SLC35F1: variants seen among roughly 807,000 people sequenced by gnomAD.
SLC35F1 encodes the protein chromosome 6 open reading frame 169.
Under a neutral mutation model 48.7 loss-of-function variants are expected in SLC35F1, and 14 were observed. That is an observed-to-expected ratio of 0.29 (90% CI 0.19 to 0.45). The LOEUF (loss-of-function observed/expected upper bound fraction) is 0.45, where lower values mean the gene tolerates loss of function less well. Among genes scored for constraint, SLC35F1 ranks in the 20% least tolerant of loss-of-function variants. The pLI, the probability that SLC35F1 is intolerant of heterozygous loss-of-function variation, is 1.00. For missense variants in SLC35F1, 404 were observed against 500.0 expected, an observed-to-expected ratio of 0.81 and a Z score of 1.83; for synonymous variants, 190 against 202.2, an observed-to-expected ratio of 0.94 and a Z score of 0.51.
chr6:118,202,827 T>C (rs1774888383), intron 2 of SLC35F1, among the ~76,000 whole-genome samples: 1 of 152,234 alleles, frequency 6.6e-6, no homozygotes, highest in Non-Finnish European at 1.5e-5. Context: ...TTAAGCTCTG[T>C]CATCAGGGAA....
intron 1 of SLC35F1, among the ~76,000 whole-genome samples, chr6:117,981,933 G>T (rs1028296422): frequency 2.0e-5 from 3 of 151,854 alleles, no homozygotes. Flanking sequence ...AGACTCCATG[G>T]TGCCTCTGCT....
intron 2 of SLC35F1, among the ~76,000 whole-genome samples, chr6:118,178,198 T>G (rs2114505932): frequency 6.6e-6 from 1 of 152,048 alleles, no homozygotes; most frequent in South Asian, 2.1e-4. Context: ...ATCTAGATTT[T>G]TTACCATCCC....
chr6:118,000,703 T>C (rs974225921), intron 1 of SLC35F1, among the ~76,000 whole-genome samples: 3 of 152,198 alleles, frequency 2.0e-5, no homozygotes, highest in African/African-American at 7.2e-5. Context: ...GAAAACCCCA[T>C]TGTCTCAGCT....
At chr6:118,041,450 C>A (rs1276176362) in intron 1 of SLC35F1, among the ~76,000 whole-genome samples, 1 of 152,038 alleles carries the variant, frequency 6.6e-6, no homozygotes, top group Non-Finnish European at 1.5e-5. Context: ...TTCTGTCATT[C>A]AAATAATACT....
At chr6:118,162,560 A>T (rs1348950122) in intron 2 of SLC35F1, among the ~76,000 whole-genome samples, 1 of 151,978 alleles carries the variant, frequency 6.6e-6, no homozygotes, top group Non-Finnish European at 1.5e-5. Context: ...TGAAGTGGGG[A>T]AAAAAAAGAA....
In SLC35F1 at chr6:118,052,087, T is replaced by C. The variant is rs149762494; in HGVS notation, c.174-102358T>C. Among the ~76,000 whole-genome samples the C allele has an allele frequency of 1.4e-4, 22 of 152,176 alleles. No individual in the cohort carries two copies. In the East Asian group the frequency reaches 4.1e-3, roughly 28 times the overall value. On this transcript the variant is annotated intron_variant, in intron 1 of 7. Coordinates refer to ENST00000360388, the MANE Select transcript of SLC35F1 (RefSeq NM_001029858.4). Reference sequence around the variant, plus strand: ...TCCAGGTGGTAAATGCTGGCTCTTCTCATCTCACCCTTCTCCTTGGGCTGT... The same window carrying C: ...TCCAGGTGGTAAATGCTGGCTCTTCCCATCTCACCCTTCTCCTTGGGCTGT...
chr6:118,285,960 G>C (rs894416421), intron 7 of SLC35F1, among the ~76,000 whole-genome samples: 1 of 152,106 alleles, frequency 6.6e-6, no homozygotes, highest in African/African-American at 2.4e-5. Context: ...AACTCTACCC[G>C]CATCTTTGCC....
chr6:118,017,181 G>A lies in SLC35F1; in HGVS notation c.173+109282G>A, dbSNP rs961646709. ...GTGTTCTGAATGTTGCCTCACTTAG[G>A]CCTGGATTACATCCAGTGGCTACAT... On this transcript the variant is annotated intron_variant, in intron 1 of 7. Transcript: ENST00000360388. Among the ~76,000 whole-genome samples, 7 of 152,274 alleles carry A rather than the reference G, an allele frequency of 4.6e-5. 1 individual carries two copies. The South Asian group carries it at 1.4e-3, about 32-fold the overall frequency.
At chr6:118,020,227 A>T (rs1336318847) in intron 1 of SLC35F1, among the ~76,000 whole-genome samples, 2 of 152,210 alleles carry the variant, frequency 1.3e-5, no homozygotes, top group Non-Finnish European at 2.9e-5. Flanking sequence ...ATGAAAACAG[A>T]CATGATATTC....
chr6:118,009,593 T>C (rs1378377288), intron 1 of SLC35F1, among the ~76,000 whole-genome samples: 3 of 152,180 alleles, frequency 2.0e-5, no homozygotes, highest in Non-Finnish European at 4.4e-5. Context: ...GTCACAGAGC[T>C]AATTAGAGGC....
At chr6:118,267,990 A>G (rs575508731) in intron 4 of SLC35F1, among the ~76,000 whole-genome samples, 3 of 152,294 alleles carry the variant, frequency 2.0e-5, no homozygotes, top group East Asian at 3.9e-4. Context: ...ACTTTTCTAT[A>G]GTTCTTGGAA....
At chr6:117,954,286 G>C (rs1185107044) in intron 1 of SLC35F1, among the ~76,000 whole-genome samples, 2 of 151,636 alleles carry the variant, frequency 1.3e-5, no homozygotes, top group African/African-American at 2.4e-5. Flanking sequence ...ACGGAGTTTC[G>C]CTCTTGTTGC....
chr6:118,165,453 A>G (rs879517947), intron 2 of SLC35F1, among the ~76,000 whole-genome samples: 5 of 152,348 alleles, frequency 3.3e-5, no homozygotes, highest in Middle Eastern at 3.4e-3. Flanking sequence ...TCATGTCTGG[A>G]GTAAAACACT....
intron 1 of SLC35F1, among the ~76,000 whole-genome samples, chr6:118,057,284 G>A (rs1772475921): frequency 6.6e-6 from 1 of 152,162 alleles, no homozygotes; most frequent in Non-Finnish European, 1.5e-5. Context: ...CTTTGATATA[G>A]GCTTTAATAG....
At chr6:118,219,954 T>G (rs1775124528) in intron 2 of SLC35F1, among the ~76,000 whole-genome samples, 1 of 151,570 alleles carries the variant, frequency 6.6e-6, no homozygotes, top group South Asian at 2.1e-4. Context: ...CACTCATAGG[T>G]GGGAATTGAA....
At chr6:117,916,569 G>A (rs987972095) in intron 1 of SLC35F1, among the ~76,000 whole-genome samples, 7 of 152,190 alleles carry the variant, frequency 4.6e-5, no homozygotes, top group African/African-American at 1.7e-4. Context: ...ATAGCTACAA[G>A]TATCAAGGCC....
intron 2 of SLC35F1, among the ~76,000 whole-genome samples, chr6:118,162,807 A>G (rs1774257023): frequency 2.0e-5 from 3 of 152,196 alleles, no homozygotes; most frequent in Non-Finnish European, 4.4e-5. Flanking sequence ...AGTCCACCAA[A>G]CAATACAAAA....
chr6:118,110,730 G>C (rs1773386918), intron 1 of SLC35F1, among the ~76,000 whole-genome samples: 1 of 152,014 alleles, frequency 6.6e-6, no homozygotes, highest in Admixed American at 6.6e-5. Flanking sequence ...AAGGCTTGCA[G>C]TTCTTTCTTA....
chr6:118,035,721 G>A (rs899686727), intron 1 of SLC35F1, among the ~76,000 whole-genome samples: 4 of 114,878 alleles, frequency 3.5e-5, no homozygotes, highest in African/African-American at 7.0e-5. Flanking sequence ...ACGGAGTCTC[G>A]CTCTGTCACC....
Sources: gnomAD v4.1 joint callset for allele counts (sites outside exome capture counted in the v4.1 genomes callset) on GRCh38, gnomAD v4.1.1 for gene constraint, MANE v1.5 for transcripts, NCBI Gene and HGNC (gene_info 2026-07-23, HGNC 2026-07-21) for gene names.